CLEC2A: variants seen among roughly 807,000 people sequenced by gnomAD.
The protein encoded by CLEC2A is keratinocyte-associated C-type lectin.
In CLEC2A, 19 loss-of-function variants were observed where a neutral mutation model predicts 18.6. That is an observed-to-expected ratio of 1.02 (90% CI 0.71 to 1.50). The LOEUF is 1.50. Ranked by LOEUF, CLEC2A falls within the 40% of genes most tolerant of loss-of-function variation. CLEC2A has a pLI of 0.00. For missense variants in CLEC2A, 190 were observed against 207.9 expected (o/e 0.91, Z 0.53); for synonymous variants, 74 against 64.0 (o/e 1.16, Z -0.75).
In CLEC2A at chr12:9,903,178, GT is replaced by G. The variant is rs540104900; in HGVS notation, c.411-4203del. Among the ~76,000 whole-genome samples the G allele has an allele frequency of 1.4e-3, 199 of 145,196 alleles. 2 individuals carry two copies. In the South Asian group the frequency reaches 0.016, roughly 12 times the overall value. On this transcript the variant is annotated intron_variant, in intron 4 of 4. Transcript: ENST00000339766. ...ATAATCTCTGGCAATTTCCCTCTTT[GT>G]TTTTTTTTTTAATAATTCCTCCTCT...
intron 1 of CLEC2A, among the ~76,000 whole-genome samples, chr12:9,928,150 G>T (rs1272938351): frequency 6.6e-6 from 1 of 152,264 alleles, no homozygotes; most frequent in Non-Finnish European, 1.5e-5. Flanking sequence ...AAAATTAAAA[G>T]AAAATGATAA....
At chr12:9,879,576 T>A in the CLEC2A span, among the ~76,000 whole-genome samples, 1 of 152,276 alleles carries the variant, frequency 6.6e-6, no homozygotes, top group Non-Finnish European at 1.5e-5. Flanking sequence ...GTATGTCAGC[T>A]CTCCTGATCT....
chr12:9,878,669 GAAGGTA>G, the CLEC2A span, among the ~76,000 whole-genome samples: 10 of 152,320 alleles, frequency 6.6e-5, no homozygotes, highest in South Asian at 2.1e-3. Context: ...CCCAGGCATA[GAAGGTA>G]AAGGGAAGAG....
At chr12:9,885,187 A>G in the CLEC2A span, among the ~76,000 whole-genome samples, 1 of 151,822 alleles carries the variant, frequency 6.6e-6, no homozygotes, top group East Asian at 1.9e-4. Flanking sequence ...AAATGCTCAA[A>G]TGCAAGCTTG....
the CLEC2A span, chr12:9,893,378 T>A: frequency 5.2e-6 from 5 of 955,050 alleles, no homozygotes; most frequent in South Asian, 6.4e-5. Flanking sequence ...ATAGAAGGCA[T>A]CAAAATTTTT....
chr12:9,903,249 A>G (rs1045813579), intron 4 of CLEC2A, among the ~76,000 whole-genome samples: 2 of 151,746 alleles, frequency 1.3e-5, no homozygotes, highest in Admixed American at 6.6e-5. Context: ...CTTCTTGATC[A>G]CCTAGGAATA....
At chr12:9,926,849 A>G (rs940224971) in intron 1 of CLEC2A, among the ~76,000 whole-genome samples, 1 of 152,246 alleles carries the variant, frequency 6.6e-6, no homozygotes, top group African/African-American at 2.4e-5. Flanking sequence ...AGAATATTCA[A>G]GATAAAAGCA....
At chr12:9,895,715 A>G, downstream of CLEC2A, 1 of 1,534,790 alleles carries the variant, frequency 6.5e-7, no homozygotes, top group South Asian at 1.2e-5. Flanking sequence ...CCAACTGATG[A>G]CAGGAGCTGT....
downstream of CLEC2A, chr12:9,898,646 C>G: frequency 2.4e-6 from 1 of 419,232 alleles, no homozygotes; most frequent in Non-Finnish European, 4.3e-6. Context: ...GCTATGTCCA[C>G]TATGTAAATG....
rs1172486533 is a variant in CLEC2A at position 9,924,371 on chromosome 12, G to C, written c.139+1889C>G. 3.3e-5 allele frequency among the ~76,000 whole-genome samples: 5 copies of C among 152,136 alleles called. No individual in the cohort carries two copies. The East Asian group carries it at 9.7e-4, about 29-fold the overall frequency. On this transcript the variant is annotated intron_variant, in intron 2 of 4. Coordinates refer to ENST00000455827, the MANE Select transcript of CLEC2A (RefSeq NM_001130711.2). ...GATGTTTAGACAGCAATAACATTAA[G>C]CTCTAAGACTACACTGACAGTAGAG...
downstream of CLEC2A, chr12:9,895,844 A>C: frequency 6.6e-7 from 1 of 1,517,798 alleles, no homozygotes; most frequent in Non-Finnish European, 8.8e-7. Flanking sequence ...ATGTACAACC[A>C]AACATAGAAA....
intron 2 of CLEC2A, among the ~76,000 whole-genome samples, chr12:9,924,953 G>A (rs1054598385): frequency 1.3e-5 from 2 of 152,198 alleles, no homozygotes; most frequent in Non-Finnish European, 2.9e-5. Flanking sequence ...GTCAAGGATA[G>A]GTAGTTGAGG....
chr12:9,880,198 C>A, the CLEC2A span, among the ~76,000 whole-genome samples: 1 of 152,250 alleles, frequency 6.6e-6, no homozygotes, highest in South Asian at 2.1e-4. Flanking sequence ...GAAGGATAAG[C>A]ACTCAGAGAA....
At chr12:9,893,430 A>G in the CLEC2A span, 5 of 1,332,674 alleles carry the variant, frequency 3.8e-6, no homozygotes, top group Non-Finnish European at 4.1e-6. Flanking sequence ...CTTCTGCAGG[A>G]GTTCATACAG....
chr12:9,903,400 T>C (rs746047891), intron 4 of CLEC2A, among the ~76,000 whole-genome samples: 1 of 152,154 alleles, frequency 6.6e-6, no homozygotes, highest in African/African-American at 2.4e-5. Context: ...GAAGTAAGGA[T>C]TGAGGACATA....
chr12:9,898,895 C>G, exon 5 of CLEC2A: 1 of 714,256 alleles, frequency 1.4e-6, no homozygotes, highest in Non-Finnish European at 2.6e-6. Flanking sequence ...TCAGAGCTCC[C>G]TCAGAGGCCT....
At chr12:9,927,848 A>T (rs1308855996) in intron 1 of CLEC2A, among the ~76,000 whole-genome samples, 1 of 151,698 alleles carries the variant, frequency 6.6e-6, no homozygotes, top group Non-Finnish European at 1.5e-5. Context: ...TTTTTTCAAG[A>T]TTAGGGAGAA....
At chr12:9,906,316 G>A (rs1862907563) in intron 4 of CLEC2A, among the ~76,000 whole-genome samples, 3 of 152,156 alleles carry the variant, frequency 2.0e-5, no homozygotes, top group South Asian at 4.1e-4. Context: ...AAGGGGTTAA[G>A]TGAAAAACAA....
intron 1 of CLEC2A, among the ~76,000 whole-genome samples, chr12:9,931,865 T>G (rs1250740470): frequency 1.3e-5 from 2 of 152,224 alleles, no homozygotes; most frequent in Non-Finnish European, 2.9e-5. Context: ...CAAACTTCAT[T>G]GTTGGCCTTA....
Sources: gnomAD v4.1 joint callset for allele counts (sites outside exome capture counted in the v4.1 genomes callset) on GRCh38, gnomAD v4.1.1 for gene constraint, MANE v1.5 for transcripts, NCBI Gene and HGNC (gene_info 2026-07-23, HGNC 2026-07-21) for gene names.